FXYD5: variants seen among roughly 807,000 people sequenced by gnomAD.
FXYD5 encodes FXYD domain containing ion transport regulator 5.
A neutral mutation model predicts 25.7 loss-of-function variants in FXYD5; 21 were observed. The observed-to-expected ratio is 0.82, with a 90% CI of 0.58 to 1.18. The LOEUF is 1.18. FXYD5 is among the 50% of genes most tolerant of loss of function. The pLI is 0.00. For synonymous variants in FXYD5, 101 were observed against 90.7 expected (o/e 1.11, Z -0.64); for missense variants, 229 against 227.7 (o/e 1.01, Z -0.04).
At chr19:35,165,023 A>C (rs2065438508) in intron 6 of FXYD5, among the ~76,000 whole-genome samples, 1 of 152,198 alleles carries the variant, frequency 6.6e-6, no homozygotes, top group Non-Finnish European at 1.5e-5. Flanking sequence ...CATTATACTT[A>C]CCAGTTCAAC....
rs777534958 is a variant in FXYD5 at position 35,166,280 on chromosome 19, T to C, written c.442T>C (p.Leu148=). ...DEHTLRKRGL[L]VAAVLFITGI... ...ACACACCCTCCGGAAACGGGGGCTGTTGGTCGCAGCTGTGCTGTTCATCAC... is the reference window on the plus strand; with the variant it reads ...ACACACCCTCCGGAAACGGGGGCTGCTGGTCGCAGCTGTGCTGTTCATCAC... Residue 148 remains leucine (L), a synonymous_variant, in exon 8 of 9, where the codon TTG becomes CTG. Transcript: ENST00000392219. 6.2e-7 allele frequency: 1 copy of C among 1,609,524 alleles called. No homozygotes were observed. The highest frequency in any genetic ancestry group is 1.7e-5 in the Admixed American group (1 of 59,854).
intron 5 of FXYD5, among the ~76,000 whole-genome samples, chr19:35,163,504 CAG>C (rs1343427488): frequency 6.6e-6 from 1 of 151,332 alleles, no homozygotes; most frequent in Non-Finnish European, 1.5e-5. Context: ...GTTTTTGAGA[CAG>C]AGTGTTGCTC....
At chr19:35,158,778 T>A (rs1258507098) in intron 4 of FXYD5, among the ~76,000 whole-genome samples, 1 of 152,190 alleles carries the variant, frequency 6.6e-6, no homozygotes, top group Non-Finnish European at 1.5e-5. Flanking sequence ...TTTTCTCTGA[T>A]CCCTTTTTTG....
intron 2 of FXYD5, among the ~76,000 whole-genome samples, chr19:35,155,878 ACT>A (rs1165294037): frequency 1.3e-5 from 2 of 152,128 alleles, no homozygotes; most frequent in Non-Finnish European, 2.9e-5. Context: ...AGAAGAACTC[ACT>A]GAGTTTCATT....
Position 35,157,468 on chromosome 19 carries a change from A to G in FXYD5, c.109A>G (p.Ile37Val), listed in dbSNP as rs770639278. Residue 37 changes from isoleucine to valine, a missense_variant, in exon 3 of 9, where the codon ATC (isoleucine) becomes GTC (valine). By Grantham distance (29) the Ile-to-Val change is conservative. Transcript: ENST00000392219. ...GTCCAGTTCTTCAGCAGACTCAACT[A>G]TCATGGACATTCAGGTCCCGACACG... ...TTSSSSADST[I>V]MDIQVPTRAP... 4 of 1,589,066 alleles carry G rather than the reference A, an allele frequency of 2.5e-6. No homozygotes were observed. Among genetic ancestry groups the G allele is most frequent in the Admixed American group, 1.7e-5 (1 of 59,956 alleles).
At chr19:35,162,189 G>A (rs2065412280) in intron 5 of FXYD5, among the ~76,000 whole-genome samples, 1 of 152,136 alleles carries the variant, frequency 6.6e-6, no homozygotes, top group South Asian at 2.1e-4. Flanking sequence ...ATTCATCAAG[G>A]ACAAATGGCT....
At chr19:35,161,221 A>ACACACACACACACACACAC (rs2065401864) in intron 5 of FXYD5, among the ~76,000 whole-genome samples, 1 of 38,204 alleles carries the variant, frequency 2.6e-5, no homozygotes, top group African/African-American at 1.1e-4. Context: ...ATTCACCTTA[A>ACACACACACACACACACAC]ACACACACAC....
intron 8 of FXYD5, chr19:35,166,810 A>G (rs946465215): frequency 1.2e-5 from 2 of 162,682 alleles, no homozygotes; most frequent in Non-Finnish European, 2.6e-5. Flanking sequence ...AATAGACTCC[A>G]CCTCTTGATG....
intron 8 of FXYD5, among the ~76,000 whole-genome samples, chr19:35,168,533 G>A (rs2065470542): frequency 6.6e-6 from 1 of 152,164 alleles, no homozygotes; most frequent in Non-Finnish European, 1.5e-5. Flanking sequence ...GTAGGTTGGG[G>A]GAGAGGAGAA....
At chr19:35,159,803 C>A in intron 4 of FXYD5, 1 of 845,058 alleles carries the variant, frequency 1.2e-6, no homozygotes, top group Non-Finnish European at 1.7e-6. Flanking sequence ...GGTCTCACAA[C>A]AAGTCAGGGA....
chr19:35,158,226 T>C, intron 3 of FXYD5, 118 bp from the exon 4 acceptor site: 2 of 727,922 alleles, frequency 2.7e-6, no homozygotes, highest in South Asian at 1.5e-5. Context: ...AATTAAGCCA[T>C]TTCTATTACA....
chr19:35,166,680 G>A lies in FXYD5; in HGVS notation c.487+355G>A, dbSNP rs566734340. The A allele has an allele frequency of 7.7e-5, 28 of 364,844 alleles. No individual in the cohort carries two copies. The East Asian group carries it at 8.1e-4, about 11-fold the overall frequency. 22.6% of individuals were successfully genotyped at this position (364,844 alleles called of 1,614,324 possible). On this transcript the variant is annotated intron_variant, in intron 8 of 8. Coordinates refer to ENST00000392219, the MANE Select transcript of FXYD5 (RefSeq NM_014164.6). ...TCACTAAGCTAGCCTGGGCTTGTTC[G>A]CATGGTGGTGGCAGGGATCTAAGAT...
chr19:35,163,926 A>T lies in FXYD5; in HGVS notation c.293-230A>T, dbSNP rs143965143. 6.3e-4 allele frequency: 851 copies of T among 1,358,370 alleles called. 3 individuals are homozygous for T. In the African/African-American group the frequency reaches 0.01, roughly 16 times the overall value. 84.1% of individuals were successfully genotyped at this position (1,358,370 alleles called of 1,614,324 possible). On this transcript the variant is annotated intron_variant, in intron 5 of 8. Coordinates refer to ENST00000392219, the MANE Select transcript of FXYD5 (RefSeq NM_014164.6). ...GAGAGGGGTCTGGAGTCCCTCGGGG[A>T]TTGAGGCAGATCAGATAGTCGCAAC...
chr19:35,166,206 A>G, intron 7 of FXYD5, 35 bp downstream of exon 7: 4 of 1,612,294 alleles, frequency 2.5e-6, no homozygotes, highest in Non-Finnish European at 3.4e-6. Context: ...GGGGAAGGAA[A>G]GGTGAGGTCC....
chr19:35,159,689 C>G, intron 4 of FXYD5: 1 of 1,507,150 alleles, frequency 6.6e-7, no homozygotes, highest in African/African-American at 1.4e-5. Context: ...AAATATTTTG[C>G]GTATGTTAAC....
chr19:35,157,179 G>GGT (rs2065363363), intron 2 of FXYD5, among the ~76,000 whole-genome samples: 1 of 152,130 alleles, frequency 6.6e-6, no homozygotes, highest in African/African-American at 2.4e-5. Flanking sequence ...CTAGCACCTG[G>GGT]GCTCACTAGA....
At chr19:35,168,382 C>T (rs949267494) in intron 8 of FXYD5, among the ~76,000 whole-genome samples, 6 of 152,138 alleles carry the variant, frequency 3.9e-5, no homozygotes, top group African/African-American at 1.4e-4. Flanking sequence ...GAAGCCCTCC[C>T]TGGAGTGGTG....
intron 5 of FXYD5, among the ~76,000 whole-genome samples, chr19:35,163,120 C>T (rs565806841): frequency 6.6e-6 from 1 of 152,388 alleles, no homozygotes; most frequent in Non-Finnish European, 1.5e-5. Context: ...CAGACTGTCT[C>T]ACCCCAGGGT....
intron 5 of FXYD5, among the ~76,000 whole-genome samples, chr19:35,163,452 G>A (rs1462184770): frequency 6.7e-6 from 1 of 150,160 alleles, no homozygotes; most frequent in Non-Finnish European, 1.5e-5. Context: ...TTTTCGGTCT[G>A]GGGGCAGAGG....
Sources: allele counts gnomAD v4.1 joint callset (sites outside exome capture counted in the v4.1 genomes callset), GRCh38; gene constraint gnomAD v4.1.1; transcripts MANE v1.5; gene names NCBI Gene and HGNC (gene_info 2026-07-23, HGNC 2026-07-21).